ZNF264: variants seen among roughly 807,000 people sequenced by gnomAD.
ZNF264 encodes the protein zinc finger protein 264.
ZNF264 carries 11 observed loss-of-function variants against 11.2 expected under a neutral mutation model. The ratio of observed to expected loss-of-function variants is 0.98; its 90% CI spans 0.62 to 1.63. The LOEUF (loss-of-function observed/expected upper bound fraction) is 1.63, where lower values mean the gene tolerates loss of function less well. Among genes scored for constraint, ZNF264 ranks in the 40% most tolerant of loss-of-function variants. The pLI, the probability that ZNF264 is intolerant of heterozygous loss-of-function variation, is 0.00. For missense variants in ZNF264, 752 were observed against 768.1 expected (o/e 0.98, Z 0.25); for synonymous variants, 309 against 279.8 (o/e 1.10, Z -1.04).
chr19:57,210,576 C>A (rs1306843508), intron 3 of ZNF264, among the ~76,000 whole-genome samples: 1 of 152,160 alleles, frequency 6.6e-6, no homozygotes, highest in African/African-American at 2.4e-5. Flanking sequence ...TGTTGCCAAC[C>A]CAGGAAACTC....
intron 2 of ZNF264, among the ~76,000 whole-genome samples, chr19:57,202,783 G>A (rs1376839806): frequency 3.3e-5 from 5 of 151,716 alleles, no homozygotes; most frequent in African/African-American, 2.4e-5. Flanking sequence ...CTTGAGTTCC[G>A]TGAGCTGCTC....
At chr19:57,205,357 C>T in intron 2 of ZNF264, 40 bp from the exon 3 acceptor site, 1 of 1,560,030 alleles carries the variant, frequency 6.4e-7, no homozygotes, top group Non-Finnish European at 8.7e-7. Context: ...TATTTCTTTT[C>T]ACCCACATCC....
chr19:57,217,718 A>G lies in ZNF264; in HGVS notation c.*4737A>G, dbSNP rs2087389958. 2 of 150,004 alleles carry G rather than the reference A, an allele frequency of 1.3e-5. No homozygotes were observed. Among genetic ancestry groups the G allele is most frequent in the African/African-American group, 2.4e-5 (1 of 40,856 alleles). The allele number at this position is 150,004 out of a possible 1,614,324, so 9.3% of individuals were successfully genotyped here. ...GTGAGCCACTGCACCCGGCCACAAGATGTAATTTTTACTTTATCTCTCACA... is the reference window on the plus strand; with the variant it reads ...GTGAGCCACTGCACCCGGCCACAAGGTGTAATTTTTACTTTATCTCTCACA... On this transcript the variant is annotated 3_prime_UTR_variant, in exon 4 of 4. Coordinates refer to ENST00000263095, the MANE Select transcript of ZNF264 (RefSeq NM_003417.5).
At position 57,216,018 on chromosome 19, in the gene ZNF264, TCTGTCCAGCATTTCTGTCAGTTG is replaced by T. The variant is rs2052726521; in HGVS notation, c.*3041_*3063del. The T allele has an allele frequency of 6.6e-6, 1 of 152,300 alleles. No homozygotes were observed. The highest frequency in any genetic ancestry group is 2.4e-5 in the African/African-American group (1 of 41,464). 9.4% of individuals were successfully genotyped at this position (152,300 alleles called of 1,614,324 possible). A position where few individuals can be genotyped will look rare whatever the true frequency, so the allele number is the denominator to read the frequency against. ...AAGTCAGCTATGTCCTTGCTGATTT[TCTGTCCAGCATTTCTGTCAGTTG>T]CTGAGAGGGGTGTTGAAGTCCTGAA... is the stretch of plus-strand genomic sequence containing the variant. On this transcript the variant is annotated 3_prime_UTR_variant, in exon 4 of 4. Coordinates refer to ENST00000263095, the MANE Select transcript of ZNF264 (RefSeq NM_003417.5).
In ZNF264 at chr19:57,191,830, A is replaced by G. The variant is rs1249041593; in HGVS notation, c.-84A>G. ...CGAGCGCGCCTGGAAGCCCCGGGCA[A>G]CCGGCCAGGGTCGGGCACAGGTGGG... On this transcript the variant is annotated 5_prime_UTR_variant, in exon 1 of 4. Coordinates refer to ENST00000263095, the MANE Select transcript of ZNF264 (RefSeq NM_003417.5). 3 of 1,146,966 alleles carry G rather than the reference A, an allele frequency of 2.6e-6. No homozygotes were observed. The highest frequency in any genetic ancestry group is 3.3e-6 in the Non-Finnish European group (3 of 904,214). The allele number at this position is 1,146,966 out of a possible 1,614,324, so 71.0% of individuals were successfully genotyped here.
chr19:57,217,052 T>C lies in ZNF264; in HGVS notation c.*4071T>C, dbSNP rs899893962. 3 of 152,180 alleles carry C rather than the reference T, an allele frequency of 2.0e-5. No homozygotes were observed. The highest frequency in any genetic ancestry group is 7.2e-5 in the African/African-American group (3 of 41,456). 9.4% of individuals were successfully genotyped at this position (152,180 alleles called of 1,614,324 possible). Reference sequence around the variant, plus strand: ...CTTGCCTTCAGAATGCTCAGAAAATTTACATTAGCCTGCAGTTGGGCAAAA... The same window carrying C: ...CTTGCCTTCAGAATGCTCAGAAAATCTACATTAGCCTGCAGTTGGGCAAAA... On this transcript the variant is annotated 3_prime_UTR_variant, in exon 4 of 4. Coordinates refer to ENST00000263095, the MANE Select transcript of ZNF264 (RefSeq NM_003417.5).
intron 2 of ZNF264, chr19:57,194,742 G>A: frequency 2.5e-6 from 1 of 399,592 alleles, no homozygotes; most frequent in Non-Finnish European, 4.4e-6. Context: ...CCAGCCCACT[G>A]ACTCAAATGT....
rs1436342093 is a variant in ZNF264, at chr19:57,205,428, C to T, written c.192C>T (p.Cys64=). 15 of 1,612,136 alleles carry T rather than the reference C, an allele frequency of 9.3e-6. No homozygotes were observed. Among genetic ancestry groups the T allele is most frequent in the Non-Finnish European group, 1.3e-5 (15 of 1,179,274 alleles). The change falls in exon 3 of 4, where the codon TGC becomes TGT. Residue 64 remains cysteine (C), a synonymous_variant. Transcript: ENST00000263095. ...GCPVPKAELI[C]HLEHGQEPWT... is the part of the protein sequence containing the mutation. ...CTGTTCCCAAAGCTGAGCTGATCTG[C>T]CACCTAGAGCATGGGCAGGAGCCAT... is the stretch of plus-strand genomic sequence containing the variant.
intron 2 of ZNF264, among the ~76,000 whole-genome samples, chr19:57,203,124 T>C (rs1379781414): frequency 6.6e-6 from 1 of 152,160 alleles, no homozygotes; most frequent in Non-Finnish European, 1.5e-5. Context: ...GGGTTTCTTC[T>C]GGAAAAGCAA....
intron 1 of ZNF264, chr19:57,193,467 C>G: frequency 1.0e-6 from 1 of 985,050 alleles, no homozygotes; most frequent in African/African-American, 1.7e-5. Flanking sequence ...CTAGGAACTT[C>G]TAGTCACTGT....
At position 57,211,623 on chromosome 19, in the gene ZNF264, G is replaced by A. The variant is rs1599954443; in HGVS notation, c.526G>A (p.Val176Ile). Residue 176 changes from valine to isoleucine, a missense_variant, in exon 4 of 4, where the codon GTC (valine) becomes ATC (isoleucine). Val to Ile is a conservative substitution (Grantham distance 29). Transcript: ENST00000263095. ...GVCSRIGQEQ[V>I]SPGDRVRSHN... ...GTGTTCAAGGATTGGACAGGAGCAA[G>A]TCTCTCCAGGAGATAGAGTCCGTAG... The A allele has an allele frequency of 3.7e-6, 6 of 1,614,170 alleles. No homozygotes were observed. The highest frequency in any genetic ancestry group is 2.5e-6 in the Non-Finnish European group (3 of 1,180,014).
At position 57,192,671 on chromosome 19, in the gene ZNF264, C is replaced by T. The variant is rs538627196; in HGVS notation, c.33+725C>T. On this transcript the variant is annotated intron_variant, in intron 1 of 3. Transcript: ENST00000263095. The stretch of plus-strand genomic sequence containing the variant: ...CCTGTCGTTCCCCAAGTAGATGCAG[C>T]CCTTCCAGTGCCGCTCTGTGGGGTC... 8.9e-5 allele frequency: 53 copies of T among 595,658 alleles called. No individual in the cohort carries two copies. The East Asian group carries it at 1.9e-3, about 21-fold the overall frequency. The allele number at this position is 595,658 out of a possible 1,614,324, so 36.9% of individuals were successfully genotyped here.
chr19:57,212,600 C>G lies in ZNF264; in HGVS notation c.1503C>G (p.His501Gln). 1 of 1,614,036 alleles carries G rather than the reference C, an allele frequency of 6.2e-7. No individual in the cohort carries two copies. The highest frequency in any genetic ancestry group is 8.5e-7 in the Non-Finnish European group (1 of 1,180,014). ...CCCGCATGTCGGGCCTCACGAGGCA[C>G]AAGCGGATTCATAGTGGAGAGAAGC... The part of the protein sequence containing the change: ...AFTRMSGLTR[H>Q]KRIHSGEKPY... Residue 501 changes from histidine (H) to glutamine (Q), a missense_variant, in exon 4 of 4, where the codon CAC (histidine) becomes CAG (glutamine). Physicochemically the swap from His to Gln is conservative, Grantham distance 24 (BLOSUM62 0). Transcript: ENST00000263095.
In ZNF264 at chr19:57,213,848, G is replaced by A. The variant is rs1410709931; in HGVS notation, c.*867G>A. 1.3e-5 allele frequency: 2 copies of A among 152,072 alleles called. No individual in the cohort carries two copies. The highest frequency in any genetic ancestry group is 2.9e-5 in the Non-Finnish European group (2 of 68,018). The allele number at this position is 152,072 out of a possible 1,614,324, so 9.4% of individuals were successfully genotyped here. A position where few individuals can be genotyped will look rare whatever the true frequency, so the allele number is the denominator to read the frequency against. ...TTGTAGTTCATGAGTGCAGGAGTAG[G>A]CCTCTTAATTTATAATAGTTAAGCA... On this transcript the variant is annotated 3_prime_UTR_variant, in exon 4 of 4. Coordinates refer to ENST00000263095, the MANE Select transcript of ZNF264 (RefSeq NM_003417.5).
At chr19:57,196,838 C>T (rs979439013) in intron 2 of ZNF264, among the ~76,000 whole-genome samples, 2 of 151,920 alleles carry the variant, frequency 1.3e-5, no homozygotes, top group African/African-American at 4.9e-5. Flanking sequence ...CTTCGAAGTC[C>T]CTGACCATCC....
rs979899575 is a variant in ZNF264 at position 57,191,520 on chromosome 19, C to G, written c.-394C>G. The stretch of plus-strand genomic sequence containing the variant: ...ACGCCATTTTCTTCTGCACTTCTGT[C>G]TGGAGAGGTCTGTAGCCACTGAGGG... On this transcript the variant is annotated 5_prime_UTR_variant, in exon 1 of 4. Coordinates refer to ENST00000263095, the MANE Select transcript of ZNF264 (RefSeq NM_003417.5). 6.7e-5 allele frequency: 14 copies of G among 209,126 alleles called. No homozygotes were observed. Among genetic ancestry groups the G allele is most frequent in the Non-Finnish European group, 9.4e-5 (10 of 106,010 alleles). The allele number at this position is 209,126 out of a possible 1,614,324, so 13.0% of individuals were successfully genotyped here. A position where few individuals can be genotyped will look rare whatever the true frequency, so the allele number is the denominator to read the frequency against.
At position 57,205,311 on chromosome 19, in the gene ZNF264, C is replaced by G. The variant is rs892379577; in HGVS notation, c.161-86C>G. 15 of 1,312,438 alleles carry G rather than the reference C, an allele frequency of 1.1e-5. No individual in the cohort carries two copies. The Admixed American group carries it at 2.4e-4, about 21-fold the overall frequency. 81.3% of individuals were successfully genotyped at this position (1,312,438 alleles called of 1,614,324 possible). A position where few individuals can be genotyped will look rare whatever the true frequency, so the allele number is the denominator to read the frequency against. On this transcript the variant is annotated intron_variant, in intron 2 of 3. Transcript: ENST00000263095. ...GAGCAGCTTCACTCCAAGGTCTGGT[C>G]TCCATCCTGAAGTCCCAAACTAGAT...
Position 57,191,806 on chromosome 19 carries a change from G to C in ZNF264, c.-108G>C. Reference sequence around the variant, plus strand: ...TTGCCACCGAGGAGGCGGCGGCCCCGAGCGCGCCTGGAAGCCCCGGGCAAC... The same window carrying C: ...TTGCCACCGAGGAGGCGGCGGCCCCCAGCGCGCCTGGAAGCCCCGGGCAAC... On this transcript the variant is annotated 5_prime_UTR_variant, in exon 1 of 4. Transcript: ENST00000263095. 4 of 902,446 alleles carry C rather than the reference G, an allele frequency of 4.4e-6. No individual in the cohort carries two copies. Among genetic ancestry groups the C allele is most frequent in the Non-Finnish European group, 5.8e-6 (4 of 684,310 alleles). The allele number at this position is 902,446 out of a possible 1,614,324, so 55.9% of individuals were successfully genotyped here.
chr19:57,206,101 C>T (rs1194915067), intron 3 of ZNF264, among the ~76,000 whole-genome samples: 2 of 152,138 alleles, frequency 1.3e-5, no homozygotes, highest in African/African-American at 2.4e-5. Flanking sequence ...CCTCACATTC[C>T]ACCCACAGGA....
Sources: allele counts gnomAD v4.1 joint callset (sites outside exome capture counted in the v4.1 genomes callset), GRCh38; gene constraint gnomAD v4.1.1; transcripts MANE v1.5; gene names NCBI Gene and HGNC (gene_info 2026-07-23, HGNC 2026-07-21).